Variants in ZNF610 observed in about 807,000 individuals in gnomAD.
ZNF610 encodes the protein zinc finger protein 610.
ZNF610 carries 14 observed loss-of-function variants against 14.1 expected under a neutral mutation model. The observed-to-expected ratio is 0.99, with a 90% confidence interval of 0.65 to 1.55. ZNF610 has a LOEUF of 1.55. Ranked by LOEUF, ZNF610 falls within the 40% of genes most tolerant of loss-of-function variation. The probability of loss-of-function intolerance (pLI) is 0.00; values close to 1 mark genes in which losing one functional copy is unlikely to be tolerated. For missense variants in ZNF610, 530 were observed against 558.0 expected, an observed-to-expected ratio of 0.95 and a Z score of 0.51; for synonymous variants, 185 against 187.6, an observed-to-expected ratio of 0.99 and a Z score of 0.11.
At chr19:52,338,908 G>A (rs1199914465) in intron 1 of ZNF610, among the ~76,000 whole-genome samples, 1 of 142,452 alleles carries the variant, frequency 7.0e-6, no homozygotes, top group Non-Finnish European at 1.5e-5. Flanking sequence ...CCGGCGCTCA[G>A]CATACGGAGG....
chr19:52,359,447 A>G (rs321939), intron 5 of ZNF610, among the ~76,000 whole-genome samples: 107,115 of 151,954 alleles, frequency 0.7, 37,964 homozygotes, highest in South Asian at 0.79. Context: ...ATCTGCACAT[A>G]TGGATCCCAT....
At chr19:52,353,939 T>G in intron 4 of ZNF610, 131 bp downstream of exon 4, 1 of 1,202,848 alleles carries the variant, frequency 8.3e-7, no homozygotes. Flanking sequence ...AATGAAAAGC[T>G]CTATTATGCT....
Position 52,353,780 on chromosome 19 carries a change from G to T in ZNF610, c.162G>T (p.Leu54Phe). The T allele has an allele frequency of 6.2e-7, 1 of 1,613,146 alleles. No homozygotes were observed. Among genetic ancestry groups the T allele is most frequent in the Non-Finnish European group, 8.5e-7 (1 of 1,179,692 alleles). Residue 54 changes from leucine (L) to phenylalanine (F), a missense_variant, in exon 4 of 6, where the codon TTG becomes TTT. By Grantham distance (22) the Leu-to-Phe change is conservative. Coordinates refer to ENST00000403906, the MANE Select transcript of ZNF610 (RefSeq NM_001161425.2). ...GGGCTTTATACAGGGACGTGATGTTGGAGAACTACAGGAACCTGGTCTTTC... is the reference window on the plus strand; with the variant it reads ...GGGCTTTATACAGGGACGTGATGTTTGAGAACTACAGGAACCTGGTCTTTC... ...GQRALYRDVM[L>F]ENYRNLVFLG...
At position 52,346,371 on chromosome 19, in the gene ZNF610, G is replaced by A. The variant is rs191142960; in HGVS notation, c.-257-1336G>A. ...GTAGAGACGGGGTTTCACCATGTTG[G>A]TCAGTCTGGTGTCGAACTCCTGACC... On this transcript the variant is annotated intron_variant, in intron 1 of 5. Coordinates refer to ENST00000403906, the MANE Select transcript of ZNF610 (RefSeq NM_001161425.2). 2.4e-3 allele frequency among the ~76,000 whole-genome samples: 354 copies of A among 146,590 alleles called. 8 individuals are homozygous for A. The East Asian group carries it at 0.053, about 22-fold the overall frequency.
Position 52,366,551 on chromosome 19 carries a change from T to G in ZNF610, c.1173T>G (p.Leu391=), listed in dbSNP as rs577597779. Residue 391 remains leucine (L), a synonymous_variant, in exon 6 of 6, where the codon CTT becomes CTG. Transcript: ENST00000403906. ...AGCGTCCGGGCCTTATGGCCCATCTTCTAATCCATACTGGAGAGAAACCTT... is the reference window on the plus strand; with the variant it reads ...AGCGTCCGGGCCTTATGGCCCATCTGCTAATCCATACTGGAGAGAAACCTT... ...FHKRPGLMAH[L]LIHTGEKPYK... is the part of the protein sequence containing the mutation. The G allele has an allele frequency of 2.5e-6, 4 of 1,614,022 alleles. No individual in the cohort carries two copies. In the African/African-American group the frequency reaches 5.3e-5, roughly 22 times the overall value.
intron 1 of ZNF610, among the ~76,000 whole-genome samples, chr19:52,338,403 A>G (rs1984482598): frequency 6.6e-6 from 1 of 152,118 alleles, no homozygotes; most frequent in African/African-American, 2.4e-5. Flanking sequence ...GGGCTTTTGG[A>G]CCAGGCGCAG....
intron 1 of ZNF610, among the ~76,000 whole-genome samples, chr19:52,339,673 A>G (rs1984578352): frequency 6.6e-6 from 1 of 152,146 alleles, no homozygotes. Context: ...GGAGTCTCTT[A>G]TGTCTACTTC....
At chr19:52,339,784 C>T (rs1984585495) in intron 1 of ZNF610, among the ~76,000 whole-genome samples, 1 of 152,158 alleles carries the variant, frequency 6.6e-6, no homozygotes, top group South Asian at 2.1e-4. Flanking sequence ...CTCAGCCTCT[C>T]CAGTAGCTGG....
chr19:52,333,582 C>T (rs1379095397), upstream of ZNF610, among the ~76,000 whole-genome samples: 1 of 152,214 alleles, frequency 6.6e-6, no homozygotes, highest in Non-Finnish European at 1.5e-5. Flanking sequence ...TGTTACCTCT[C>T]TTCTATCCCT....
intron 1 of ZNF610, among the ~76,000 whole-genome samples, chr19:52,339,906 G>T (rs536977986): frequency 1.8e-4 from 27 of 152,246 alleles, no homozygotes; most frequent in South Asian, 6.2e-4. Flanking sequence ...TGATCCACCC[G>T]CCTTGGCCTC....
In ZNF610 at chr19:52,353,824, C is replaced by G. The variant is rs1175082535; in HGVS notation, c.190+16C>G. On this transcript the variant is annotated intron_variant, in intron 4 of 5. Coordinates refer to ENST00000403906, the MANE Select transcript of ZNF610 (RefSeq NM_001161425.2). The stretch of plus-strand genomic sequence containing the variant: ...GTCTTTCTGGGTGAGGATGACTTCC[C>G]TCCAGAAGCCGGGATCTGCTCTAAT... 5 of 1,604,858 alleles carry G rather than the reference C, an allele frequency of 3.1e-6. No homozygotes were observed. The Admixed American group carries it at 5.2e-5, about 17-fold the overall frequency.
intron 1 of ZNF610, chr19:52,347,168 T>C (rs1985000750): frequency 6.6e-6 from 1 of 152,242 alleles, no homozygotes; most frequent in African/African-American, 2.4e-5. Flanking sequence ...TACATGTTAT[T>C]GCTCCTGAGG....
At chr19:52,365,368 T>C (rs958694452) in intron 5 of ZNF610, among the ~76,000 whole-genome samples, 6 of 152,212 alleles carry the variant, frequency 3.9e-5, no homozygotes, top group African/African-American at 1.4e-4. Context: ...TATTATACTA[T>C]TACTAATGTC....
At chr19:52,354,506 G>A (rs1314144944) in intron 5 of ZNF610, 127 bp downstream of exon 5, 5 of 1,080,468 alleles carry the variant, frequency 4.6e-6, no homozygotes, top group South Asian at 3.5e-5. Flanking sequence ...TCAAACTCCT[G>A]GACTCAAGCA....
chr19:52,359,747 C>T (rs1016356853), intron 5 of ZNF610, among the ~76,000 whole-genome samples: 1 of 152,130 alleles, frequency 6.6e-6, no homozygotes, highest in African/African-American at 2.4e-5. Context: ...TGACACTATA[C>T]CTGGAGATAG....
intron 5 of ZNF610, among the ~76,000 whole-genome samples, chr19:52,355,641 G>A (rs997844182): frequency 6.6e-6 from 1 of 152,236 alleles, no homozygotes; most frequent in South Asian, 2.1e-4. Flanking sequence ...CTTGTTAGTA[G>A]TAGATTGTCA....
rs996262864 is a variant in ZNF610 at position 52,347,774 on chromosome 19, C to T, written c.-190C>T. On this transcript the variant is annotated 5_prime_UTR_variant, in exon 2 of 6. Coordinates refer to ENST00000403906, the MANE Select transcript of ZNF610 (RefSeq NM_001161425.2). ...CTGGAGTCAAGCAGTCTGCCTGCCT[C>T]GTTCTCCAAACGTGCTGGGATTACA... is the stretch of plus-strand genomic sequence containing the variant. 2 of 152,188 alleles carry T rather than the reference C, an allele frequency of 1.3e-5. No homozygotes were observed. Among genetic ancestry groups the T allele is most frequent in the African/African-American group, 2.4e-5 (1 of 41,448 alleles). The allele number at this position is 152,188 out of a possible 1,614,324, so 9.4% of individuals were successfully genotyped here. A position where few individuals can be genotyped will look rare whatever the true frequency, so the allele number is the denominator to read the frequency against.
chr19:52,354,183 T>TA, intron 4 of ZNF610, 68 bp from the exon 5 acceptor site: 6 of 1,589,784 alleles, frequency 3.8e-6, no homozygotes, highest in Non-Finnish European at 5.1e-6. Context: ...TCCCCTCTCT[T>TA]ACCTAAACAC....
intron 3 of ZNF610, among the ~76,000 whole-genome samples, chr19:52,349,677 A>G (rs1055577907): frequency 2.0e-5 from 3 of 151,910 alleles, no homozygotes; most frequent in Admixed American, 2.0e-4. Context: ...GGTTCAAGCA[A>G]TTCTGCCTCA....
Sources: gnomAD v4.1 joint callset for allele counts (sites outside exome capture counted in the v4.1 genomes callset) on GRCh38, gnomAD v4.1.1 for gene constraint, MANE v1.5 for transcripts, NCBI Gene and HGNC (gene_info 2026-07-23, HGNC 2026-07-21) for gene names.